Variants in SUGCT observed in about 807,000 individuals in gnomAD.
SUGCT encodes succinyl-CoA:glutarate CoA-transferase.
SUGCT carries 41 observed loss-of-function variants against 55.0 expected under a neutral mutation model. That is an observed-to-expected ratio of 0.74 (90% CI 0.58 to 0.97). The LOEUF (loss-of-function observed/expected upper bound fraction) is 0.97, where lower values mean the gene tolerates loss of function less well. Among genes scored for constraint, SUGCT ranks in the 50% least tolerant of loss-of-function variants. SUGCT has a pLI of 0.00. For missense variants in SUGCT, 568 were observed against 547.8 expected, an observed-to-expected ratio of 1.04 and a Z score of -0.37; for synonymous variants, 187 against 200.4, an observed-to-expected ratio of 0.93 and a Z score of 0.56.
chr7:40,820,316 C>A (rs1171344921), intron 13 of SUGCT, among the ~76,000 whole-genome samples: 4 of 151,970 alleles, frequency 2.6e-5, no homozygotes, highest in African/African-American at 7.2e-5. Flanking sequence ...TCATTGGTAG[C>A]TTGATGGGGA....
chr7:40,704,883 C>T lies in SUGCT; in HGVS notation c.1090-44551C>T, dbSNP rs752086377. Among the ~76,000 whole-genome samples, 62 of 152,146 alleles carry T rather than the reference C, an allele frequency of 4.1e-4. 3 individuals carry two copies. Among genetic ancestry groups the T allele is most frequent in the South Asian group, 2.1e-4 (1 of 4,828 alleles). Reference sequence around the variant, plus strand: ...CTCAGTGAGGAAACTTTCTCAAAGCCGTGTAGCTATGAAGTAGTGGAGTCA... The same window carrying T: ...CTCAGTGAGGAAACTTTCTCAAAGCTGTGTAGCTATGAAGTAGTGGAGTCA... On this transcript the variant is annotated intron_variant, in intron 12 of 13. Coordinates refer to ENST00000335693, the MANE Select transcript of SUGCT (RefSeq NM_001193313.2).
At chr7:40,694,966 G>A (rs972982561) in intron 12 of SUGCT, among the ~76,000 whole-genome samples, 1 of 152,086 alleles carries the variant, frequency 6.6e-6, no homozygotes, top group African/African-American at 2.4e-5. Flanking sequence ...GGCTTGAAGA[G>A]CAGACACATT....
chr7:40,987,485 C>CCTTTTTT, the SUGCT span, among the ~76,000 whole-genome samples: 9 of 152,266 alleles, frequency 5.9e-5, no homozygotes, highest in East Asian at 1.7e-3. Flanking sequence ...ATACTCCCAC[C>CCTTTTTT]CTTTCTTCTG....
intron 3 of SUGCT, among the ~76,000 whole-genome samples, chr7:40,183,524 T>G (rs574411539): frequency 3.7e-4 from 56 of 152,196 alleles, no homozygotes; most frequent in South Asian, 2.1e-3. Flanking sequence ...AAAATTTTTT[T>G]GTGTGTGTAG....
chr7:40,553,237 T>A lies in SUGCT; in HGVS notation c.1089+56851T>A, dbSNP rs112312749. On this transcript the variant is annotated intron_variant, in intron 12 of 13. Transcript: ENST00000335693. ...ACTGATGCATTAAAGAAAGAATGAG[T>A]TGAATTTGAGGTATGGGTGCAAATT... is the stretch of plus-strand genomic sequence containing the variant. Among the ~76,000 whole-genome samples, 1,029 of 152,288 alleles carry A rather than the reference T, an allele frequency of 6.8e-3. 16 individuals carry two copies. Among genetic ancestry groups the A allele is most frequent in the African/African-American group, 0.023 (957 of 41,556 alleles).
chr7:40,861,593 T>C (rs1794486172), downstream of SUGCT, among the ~76,000 whole-genome samples: 1 of 152,224 alleles, frequency 6.6e-6, no homozygotes, highest in Non-Finnish European at 1.5e-5. Flanking sequence ...GAATTACAGA[T>C]GTTCATCTTT....
At chr7:40,872,030 G>A in the SUGCT span, among the ~76,000 whole-genome samples, 12 of 152,094 alleles carry the variant, frequency 7.9e-5, no homozygotes, top group African/African-American at 2.4e-4. Flanking sequence ...AGGGGAGTGT[G>A]GGGGGAGAAG....
At chr7:40,338,905 T>C (rs1394784315) in intron 9 of SUGCT, among the ~76,000 whole-genome samples, 4 of 152,208 alleles carry the variant, frequency 2.6e-5, no homozygotes, top group Non-Finnish European at 2.9e-5. Context: ...TTGATGATGA[T>C]GATGTACATA....
At chr7:40,635,573 C>A (rs58275184) in intron 12 of SUGCT, among the ~76,000 whole-genome samples, 11,015 of 152,148 alleles carry the variant, frequency 0.072, 442 homozygotes, top group Middle Eastern at 0.11. Flanking sequence ...CAATAAGAAT[C>A]TCTATATAAA....
intron 11 of SUGCT, among the ~76,000 whole-genome samples, chr7:40,478,303 G>A (rs901624337): frequency 6.6e-6 from 1 of 152,210 alleles, no homozygotes; most frequent in Admixed American, 6.5e-5. Context: ...ACCATGTCTG[G>A]CCTCCTAATT....
Position 40,440,158 on chromosome 7 carries a change from T to G in SUGCT, c.817-9129T>G, listed in dbSNP as rs1370460345. 1.9e-4 allele frequency among the ~76,000 whole-genome samples: 26 copies of G among 134,158 alleles called. No individual in the cohort carries two copies. The East Asian group carries it at 2.8e-3, about 15-fold the overall frequency. The allele number at this position is 134,158 out of a possible 152,430, so 88.0% of individuals were successfully genotyped here. A position where few individuals can be genotyped will look rare whatever the true frequency, so the allele number is the denominator to read the frequency against. ...CTGTGTGTGTGTGTTTTTTTTTTTT[T>G]TTTTTTTTTTTTTTTTTTTAAGACT... On this transcript the variant is annotated intron_variant, in intron 9 of 13. Transcript: ENST00000335693.
At chr7:40,866,886 A>C in the SUGCT span, among the ~76,000 whole-genome samples, 3 of 152,052 alleles carry the variant, frequency 2.0e-5, no homozygotes, top group Non-Finnish European at 2.9e-5. Flanking sequence ...TGTTTTATGC[A>C]ACTACTCTCA....
chr7:40,375,187 G>T (rs1784483304), intron 9 of SUGCT, among the ~76,000 whole-genome samples: 1 of 152,204 alleles, frequency 6.6e-6, no homozygotes, highest in Non-Finnish European at 1.5e-5. Flanking sequence ...CCTGAGTGTT[G>T]CTGTGAATAC....
chr7:41,005,228 T>C, the SUGCT span, among the ~76,000 whole-genome samples: 1 of 152,172 alleles, frequency 6.6e-6, no homozygotes, highest in Non-Finnish European at 1.5e-5. Flanking sequence ...TAGTACCCTT[T>C]AGAAAGCCAG....
At chr7:40,365,373 C>CA (rs1183791091) in intron 9 of SUGCT, among the ~76,000 whole-genome samples, 1 of 151,670 alleles carries the variant, frequency 6.6e-6, no homozygotes, top group African/African-American at 2.4e-5. Flanking sequence ...TGCCCTCTCT[C>CA]ACCACTCCTA....
chr7:40,649,847 A>G (rs1800689780), intron 12 of SUGCT, among the ~76,000 whole-genome samples: 1 of 152,224 alleles, frequency 6.6e-6, no homozygotes. Flanking sequence ...TCTTAAATTT[A>G]TTCATTATTA....
chr7:40,182,060 A>G (rs1204858641), intron 3 of SUGCT, 32 bp downstream of exon 3: 2 of 1,234,918 alleles, frequency 1.6e-6, no homozygotes, highest in Admixed American at 4.2e-5. Flanking sequence ...AAAAATAGAA[A>G]CAAGCTAATA....
At chr7:40,630,896 TG>T (rs71560196) in intron 12 of SUGCT, among the ~76,000 whole-genome samples, 1 of 28,738 alleles carries the variant, frequency 3.5e-5, no homozygotes, top group Non-Finnish European at 7.3e-5. Context: ...GTCGGGGGGG[TG>T]GGTGGGAGAC....
chr7:41,018,969 G>A, the SUGCT span, among the ~76,000 whole-genome samples: 2 of 150,182 alleles, frequency 1.3e-5, no homozygotes, highest in Admixed American at 1.3e-4. Flanking sequence ...TCAATGGTGC[G>A]ATCTTGGCTC....
Sources: allele counts gnomAD v4.1 joint callset (sites outside exome capture counted in the v4.1 genomes callset), GRCh38; gene constraint gnomAD v4.1.1; transcripts MANE v1.5; gene names NCBI Gene and HGNC (gene_info 2026-07-23, HGNC 2026-07-21).